Variants in NCKAP5 observed in about 807,000 individuals in gnomAD.
The protein encoded by NCKAP5 is nck-associated protein 5.
NCKAP5 carries 92 observed loss-of-function variants against 167.0 expected under a neutral mutation model. The ratio of observed to expected loss-of-function variants is 0.55; its 90% CI spans 0.47 to 0.66. The LOEUF (loss-of-function observed/expected upper bound fraction) is 0.66, where lower values mean the gene tolerates loss of function less well. Among genes scored for constraint, NCKAP5 ranks in the 30% least tolerant of loss-of-function variants. The probability of loss-of-function intolerance (pLI) is 0.00; values close to 1 mark genes in which losing one functional copy is unlikely to be tolerated. For missense variants in NCKAP5, 2,378 were observed against 2,315.0 expected (o/e 1.03, Z -0.56); for synonymous variants, 891 against 877.4 (o/e 1.02, Z -0.27).
intron 19 of NCKAP5, among the ~76,000 whole-genome samples, chr2:132,685,643 T>C: frequency 6.6e-6 from 1 of 152,136 alleles, no homozygotes; most frequent in South Asian, 2.1e-4. Context: ...TGGTAATGAA[T>C]TCCCTCTTCC....
At chr2:132,836,593 G>T (rs958878920) in intron 11 of NCKAP5, among the ~76,000 whole-genome samples, 1 of 151,812 alleles carries the variant, frequency 6.6e-6, no homozygotes, top group Non-Finnish European at 1.5e-5. Flanking sequence ...GTGGTATTTG[G>T]TTACGTAAGT....
Position 133,297,754 on chromosome 2 carries a change from T to C in NCKAP5, c.143+5283A>G, listed in dbSNP as rs199916206. 8.5e-5 allele frequency among the ~76,000 whole-genome samples: 13 copies of C among 152,304 alleles called. 1 individual carries two copies. The highest frequency in any genetic ancestry group is 7.7e-4 in the East Asian group (4 of 5,176). Reference sequence around the variant, plus strand: ...AAATTAATCCTGACCACAATTATTATTGGAAGATCTAGATGTTCAGAACTT... The same window carrying C: ...AAATTAATCCTGACCACAATTATTACTGGAAGATCTAGATGTTCAGAACTT... On this transcript the variant is annotated intron_variant, in intron 4 of 19. Transcript: ENST00000409261.
intron 4 of NCKAP5, among the ~76,000 whole-genome samples, chr2:133,238,714 C>T (rs1288088991): frequency 3.9e-5 from 6 of 152,186 alleles, no homozygotes; most frequent in African/African-American, 1.4e-4. Context: ...AGCCTTATCT[C>T]ACTCTTCTCT....
intron 2 of NCKAP5, among the ~76,000 whole-genome samples, chr2:133,541,466 T>C (rs1233193105): frequency 6.6e-6 from 1 of 152,266 alleles, no homozygotes. Flanking sequence ...ATGCAATATA[T>C]GGTAATTACA....
At chr2:133,227,627 A>T (rs4954048) in intron 4 of NCKAP5, among the ~76,000 whole-genome samples, 58,902 of 152,038 alleles carry the variant, frequency 0.39, 11,673 homozygotes, top group Admixed American at 0.41. Flanking sequence ...CCATTCAACT[A>T]AATAGCCTTC....
intron 14 of NCKAP5, among the ~76,000 whole-genome samples, chr2:132,781,637 T>C (rs1256351679): frequency 6.6e-6 from 1 of 152,234 alleles, no homozygotes; most frequent in African/African-American, 2.4e-5. Context: ...TCACGCCATC[T>C]GGGTACATTC....
At chr2:133,106,367 T>C (rs2081700804) in intron 6 of NCKAP5, among the ~76,000 whole-genome samples, 1 of 151,516 alleles carries the variant, frequency 6.6e-6, no homozygotes, top group African/African-American at 2.4e-5. Flanking sequence ...GTGTGGGCTA[T>C]GCCAGGGGAT....
At chr2:133,581,289 A>G in the NCKAP5 span, among the ~76,000 whole-genome samples, 1 of 152,184 alleles carries the variant, frequency 6.6e-6, no homozygotes, top group Non-Finnish European at 1.5e-5. Context: ...ACAGGGCCAG[A>G]GATGGTTATC....
chr2:132,960,262 C>A (rs1383206165), intron 8 of NCKAP5, among the ~76,000 whole-genome samples: 1 of 152,110 alleles, frequency 6.6e-6, no homozygotes. Flanking sequence ...ATGGAATGAG[C>A]CCATGACATG....
At chr2:133,319,514 G>C (rs1212580723) in intron 3 of NCKAP5, among the ~76,000 whole-genome samples, 4 of 152,036 alleles carry the variant, frequency 2.6e-5, no homozygotes, top group Admixed American at 2.6e-4. Flanking sequence ...CATTCAATCA[G>C]TGGACTATGC....
intron 8 of NCKAP5, among the ~76,000 whole-genome samples, chr2:132,916,446 T>C (rs1694886820): frequency 6.6e-6 from 1 of 152,052 alleles, no homozygotes; most frequent in African/African-American, 2.4e-5. Flanking sequence ...GGTTCCACTG[T>C]GACATTACTA....
chr2:133,137,833 C>T (rs528716171), intron 5 of NCKAP5, among the ~76,000 whole-genome samples: 32 of 152,184 alleles, frequency 2.1e-4, no homozygotes, highest in Non-Finnish European at 3.5e-4. Context: ...TTTACTTCCG[C>T]GCAGAGGGGT....
chr2:132,765,855 G>T (rs1364541684), intron 16 of NCKAP5, among the ~76,000 whole-genome samples: 34 of 152,142 alleles, frequency 2.2e-4, no homozygotes, highest in Admixed American at 2.2e-3. Flanking sequence ...AAAGGATGGG[G>T]CAACTGCTAG....
At chr2:133,530,552 C>T (rs1306574790) in intron 2 of NCKAP5, among the ~76,000 whole-genome samples, 2 of 152,138 alleles carry the variant, frequency 1.3e-5, no homozygotes, top group Non-Finnish European at 2.9e-5. Flanking sequence ...TTCCATTCAG[C>T]GACATGAAAT....
chr2:133,195,751 G>A (rs2085407789), intron 5 of NCKAP5, among the ~76,000 whole-genome samples: 1 of 152,060 alleles, frequency 6.6e-6, no homozygotes, highest in African/African-American at 2.4e-5. Context: ...ACCCATAAGA[G>A]AAGCCTCTTA....
At chr2:133,205,659 T>C (rs1326796884) in intron 5 of NCKAP5, among the ~76,000 whole-genome samples, 1 of 152,178 alleles carries the variant, frequency 6.6e-6, no homozygotes, top group African/African-American at 2.4e-5. Flanking sequence ...TGTGAAAACC[T>C]TCTTGGGATT....
At chr2:133,151,152 C>A (rs189802723) in intron 5 of NCKAP5, among the ~76,000 whole-genome samples, 59 of 152,158 alleles carry the variant, frequency 3.9e-4, no homozygotes, top group African/African-American at 1.4e-3. Flanking sequence ...CCAATATGTA[C>A]GCTTTTCTGT....
At chr2:133,203,934 T>C (rs1223225612) in intron 5 of NCKAP5, among the ~76,000 whole-genome samples, 2 of 152,234 alleles carry the variant, frequency 1.3e-5, no homozygotes, top group South Asian at 2.1e-4. Flanking sequence ...ACAAGTGTTT[T>C]ATCTGTTGGA....
At chr2:132,677,654 A>C (rs964716798) in intron 19 of NCKAP5, among the ~76,000 whole-genome samples, 2 of 152,080 alleles carry the variant, frequency 1.3e-5, no homozygotes, top group African/African-American at 4.8e-5. Context: ...TGTGTAGTCT[A>C]CTTCAGGACC....
Sources: allele counts gnomAD v4.1 joint callset (sites outside exome capture counted in the v4.1 genomes callset), GRCh38; gene constraint gnomAD v4.1.1; transcripts MANE v1.5; gene names NCBI Gene and HGNC (gene_info 2026-07-23, HGNC 2026-07-21).